CC2D2A: variants seen among roughly 807,000 people sequenced by gnomAD.
CC2D2A encodes the protein coiled-coil and C2 domain-containing protein 2A.
In CC2D2A, 155 loss-of-function variants were observed where a neutral mutation model predicts 212.9. That is an observed-to-expected ratio of 0.73 (90% CI 0.64 to 0.83). The LOEUF is 0.83. Among genes scored for constraint, CC2D2A ranks in the 40% least tolerant of loss-of-function variants. The pLI, the probability that CC2D2A is intolerant of heterozygous loss-of-function variation, is 0.00. For synonymous variants in CC2D2A, 667 were observed against 686.5 expected, an observed-to-expected ratio of 0.97 and a Z score of 0.44; for missense variants, 1,856 against 1,956.2, an observed-to-expected ratio of 0.95 and a Z score of 0.97.
At chr4:15,596,315 T>A in intron 34 of CC2D2A, 108 bp downstream of exon 34, 1 of 985,482 alleles carries the variant, frequency 1.0e-6, no homozygotes, top group Non-Finnish European at 1.4e-6. Context: ...AGTATTTGTT[T>A]ATCAAACGCA....
chr4:15,491,486 C>T (rs979796987), intron 4 of CC2D2A, among the ~76,000 whole-genome samples: 2 of 152,210 alleles, frequency 1.3e-5, no homozygotes, highest in African/African-American at 4.8e-5. Flanking sequence ...CTCACTGCAA[C>T]CTCCACCTCC....
intron 4 of CC2D2A, chr4:15,492,744 G>A (rs1017959985): frequency 3.7e-6 from 3 of 820,738 alleles, no homozygotes; most frequent in African/African-American, 3.4e-5. Context: ...AGGCCATGTG[G>A]GCCATGAGGT....
Position 15,574,137 on chromosome 4 carries a change from A to G in CC2D2A, c.3595-13A>G. The G allele has an allele frequency of 6.5e-7, 1 of 1,530,582 alleles. No homozygotes were observed. Among genetic ancestry groups the G allele is most frequent in the Non-Finnish European group, 8.8e-7 (1 of 1,134,710 alleles). 94.8% of individuals were successfully genotyped at this position (1,530,582 alleles called of 1,614,324 possible). ...AGCATCAGGATGTTTACCAAGTCAT[A>G]TTTTCTTCACAGATTGATGGAACAT... is the stretch of plus-strand genomic sequence containing the variant. On this transcript the variant is annotated splice_polypyrimidine_tract_variant and intron_variant, in intron 28 of 36. Coordinates refer to ENST00000424120, the MANE Select transcript of CC2D2A (RefSeq NM_001378615.1).
intron 11 of CC2D2A, among the ~76,000 whole-genome samples, chr4:15,524,186 T>C (rs1404684790): frequency 6.6e-6 from 1 of 152,184 alleles, no homozygotes. Flanking sequence ...CAGGCTGGAG[T>C]GCAGTGGTGT....
rs1186159498 is a variant in CC2D2A, at chr4:15,601,246, T to C, written c.4684T>C (p.Phe1562Leu). The change falls in exon 37 of 37, where the codon TTT (phenylalanine) becomes CTT (leucine). Residue 1562 changes from phenylalanine to leucine, a missense_variant. By Grantham distance (22) the Phe-to-Leu change is conservative. Coordinates refer to ENST00000424120, the MANE Select transcript of CC2D2A (RefSeq NM_001378615.1). ...KQLGDYRFSG[F>L]PLHMPYSEVK... is the part of the protein sequence containing the mutation. ...TGTTTTTTCCCTTCAGTTCTCTGGA[T>C]TTCCTCTTCACATGCCTTATTCTGA... 6.2e-7 allele frequency: 1 copy of C among 1,612,448 alleles called. No individual in the cohort carries two copies.
chr4:15,502,387 C>CTTTTTTTTTTTTTTTTTT, intron 4 of CC2D2A, 42 bp from the exon 5 acceptor site: 2 of 1,259,650 alleles, frequency 1.6e-6, no homozygotes, highest in Non-Finnish European at 1.1e-6. Context: ...TTTTCTTTTT[C>CTTTTTTTTTTTTTTTTTT]TTTTTTTTTT....
At chr4:15,556,015 T>G (rs28546094) in intron 20 of CC2D2A, among the ~76,000 whole-genome samples, 6,167 of 152,324 alleles carry the variant, frequency 0.04, 407 homozygotes, top group African/African-American at 0.14. Context: ...TTCTTGTTGT[T>G]GATTAATTAG....
At chr4:15,472,718 A>G (rs1422018656) in intron 1 of CC2D2A, among the ~76,000 whole-genome samples, 2 of 149,060 alleles carry the variant, frequency 1.3e-5, no homozygotes, top group East Asian at 4.0e-4. Flanking sequence ...TTTGCATTTC[A>G]TCTTTATTAT....
chr4:15,540,196 C>G (rs1274175637), intron 16 of CC2D2A, among the ~76,000 whole-genome samples: 1 of 152,042 alleles, frequency 6.6e-6, no homozygotes, highest in Non-Finnish European at 1.5e-5. Flanking sequence ...CCTCAATTAG[C>G]TTGAATTGCT....
chr4:15,502,338 T>TG, intron 4 of CC2D2A, 91 bp from the exon 5 acceptor site: 1 of 985,890 alleles, frequency 1.0e-6, no homozygotes, highest in Non-Finnish European at 1.5e-6. Context: ...CCTTCCCTTT[T>TG]GGGGGGAGGG....
chr4:15,480,699 TCCAG>T lies in CC2D2A; in HGVS notation c.124-1_126del. The T allele has an allele frequency of 1.2e-6, 2 of 1,608,204 alleles. No homozygotes were observed. Among genetic ancestry groups the T allele is most frequent in the Non-Finnish European group, 1.7e-6 (2 of 1,177,520 alleles). The stretch of plus-strand genomic sequence containing the variant: ...GTCTCTGAACCTCTGACCTTCTTCC[TCCAG>T]CCACCAACTGCTGTCCCCAAGGAAA... On this transcript the variant is annotated splice_acceptor_variant and splice_polypyrimidine_tract_variant and intron_variant, in intron 3 of 36. Coordinates refer to ENST00000424120, the MANE Select transcript of CC2D2A (RefSeq NM_001378615.1). LOFTEE classifies it high-confidence loss of function.
intron 17 of CC2D2A, among the ~76,000 whole-genome samples, chr4:15,542,640 T>C (rs1286385739): frequency 6.6e-6 from 1 of 152,202 alleles, no homozygotes; most frequent in Non-Finnish European, 1.5e-5. Context: ...ACATACTCTG[T>C]ACTGACTGAT....
chr4:15,560,046 A>G (rs1425771324), intron 22 of CC2D2A, among the ~76,000 whole-genome samples: 13 of 151,824 alleles, frequency 8.6e-5, no homozygotes, highest in Non-Finnish European at 1.8e-4. Flanking sequence ...GCCCCAGGCT[A>G]GTCTCGAACT....
chr4:15,513,427 C>T (rs13131199), intron 8 of CC2D2A, among the ~76,000 whole-genome samples: 61,916 of 152,074 alleles, frequency 0.41, 13,604 homozygotes, highest in East Asian at 0.71. Flanking sequence ...TCTCCAATTG[C>T]GAATATCTTC....
intron 19 of CC2D2A, among the ~76,000 whole-genome samples, chr4:15,554,365 A>T (rs575551352): frequency 6.6e-6 from 1 of 152,318 alleles, no homozygotes; most frequent in East Asian, 1.9e-4. Flanking sequence ...CTGGTGCTTA[A>T]GTTTGTTGTT....
At chr4:15,563,844 T>A (rs1719736332) in intron 24 of CC2D2A, 1 of 242,996 alleles carries the variant, frequency 4.1e-6, no homozygotes, top group Non-Finnish European at 8.1e-6. Flanking sequence ...TTGCTTCATT[T>A]TTCTCCATGT....
At chr4:15,556,911 T>C (rs1231992880) in intron 20 of CC2D2A, among the ~76,000 whole-genome samples, 1 of 152,220 alleles carries the variant, frequency 6.6e-6, no homozygotes, top group Non-Finnish European at 1.5e-5. Flanking sequence ...TTTATCTGCA[T>C]ATGCACATGA....
intron 4 of CC2D2A, among the ~76,000 whole-genome samples, chr4:15,483,427 C>A (rs995729015): frequency 6.6e-6 from 1 of 152,180 alleles, no homozygotes; most frequent in Non-Finnish European, 1.5e-5. Flanking sequence ...AAGATAGAAG[C>A]AGCCATGTGC....
intron 36 of CC2D2A, among the ~76,000 whole-genome samples, 198 bp from the exon 37 acceptor site, chr4:15,601,039 T>C (rs1200239791): frequency 1.3e-5 from 2 of 152,200 alleles, no homozygotes; most frequent in Non-Finnish European, 1.5e-5. Flanking sequence ...AGGTGGCTTA[T>C]ACACCTATAT....
Sources: allele counts gnomAD v4.1 joint callset (sites outside exome capture counted in the v4.1 genomes callset), GRCh38; gene constraint gnomAD v4.1.1; transcripts MANE v1.5; gene names NCBI Gene and HGNC (gene_info 2026-07-23, HGNC 2026-07-21).